SRBD1: variants seen among roughly 807,000 people sequenced by gnomAD.
The protein encoded by SRBD1 is S1 RNA-binding domain-containing protein 1.
SRBD1 carries 88 observed loss-of-function variants against 115.3 expected under a neutral mutation model. The observed-to-expected ratio is 0.76, with a 90% CI of 0.64 to 0.91. The LOEUF is 0.91. Ranked by LOEUF, SRBD1 falls within the 40% of genes least tolerant of loss-of-function variation. The pLI, the probability that SRBD1 is intolerant of heterozygous loss-of-function variation, is 0.00. For synonymous variants in SRBD1, 509 were observed against 407.7 expected (o/e 1.25, Z -2.99); for missense variants, 1,385 against 1,177.4 (o/e 1.18, Z -2.58).
At chr2:45,412,075 C>A (rs143199647) in intron 19 of SRBD1, among the ~76,000 whole-genome samples, 2 of 152,140 alleles carry the variant, frequency 1.3e-5, no homozygotes, top group African/African-American at 2.4e-5. Context: ...CACTGCACTC[C>A]AGTCTGGGTG....
At chr2:45,483,958 G>C (rs1670040799) in intron 15 of SRBD1, among the ~76,000 whole-genome samples, 1 of 152,026 alleles carries the variant, frequency 6.6e-6, no homozygotes, top group Non-Finnish European at 1.5e-5. Context: ...TACCCAACTA[G>C]TATAAACTTT....
intron 18 of SRBD1, among the ~76,000 whole-genome samples, chr2:45,414,714 G>T (rs186467834): frequency 2.0e-5 from 2 of 99,722 alleles, no homozygotes; most frequent in Non-Finnish European, 4.8e-5. Flanking sequence ...TATATAGTAT[G>T]TATATACACA....
At chr2:45,473,181 G>C (rs1055997322) in intron 16 of SRBD1, among the ~76,000 whole-genome samples, 6 of 151,610 alleles carry the variant, frequency 4.0e-5, no homozygotes, top group Non-Finnish European at 8.8e-5. Flanking sequence ...TTACTCTCAT[G>C]ATTTATATTA....
chr2:45,467,144 G>C (rs1021731320), intron 16 of SRBD1, among the ~76,000 whole-genome samples: 1 of 152,184 alleles, frequency 6.6e-6, no homozygotes, highest in African/African-American at 2.4e-5. Context: ...CACATTTCTA[G>C]CATATTGTCA....
intron 16 of SRBD1, among the ~76,000 whole-genome samples, chr2:45,473,800 T>A (rs1452070295): frequency 1.3e-5 from 2 of 152,126 alleles, no homozygotes; most frequent in Non-Finnish European, 2.9e-5. Flanking sequence ...TTGTTATTCT[T>A]TACTTCTGCA....
chr2:45,573,172 C>T (rs559806646), intron 9 of SRBD1, 35 bp downstream of exon 9: 27 of 1,534,682 alleles, frequency 1.8e-5, no homozygotes, highest in African/African-American at 2.8e-5. Context: ...ATCATTATTA[C>T]GAAATCAGCA....
In SRBD1 at chr2:45,579,916, C is replaced by T; in HGVS notation, c.1031G>A (p.Gly344Glu). Residue 344 changes from glycine to glutamate, a missense_variant, in exon 7 of 21, where the codon GGG (glycine) becomes GAG (glutamate). Gly to Glu is a moderately conservative substitution (Grantham distance 98, BLOSUM62 -2). Coordinates refer to ENST00000263736, the MANE Select transcript of SRBD1 (RefSeq NM_018079.5). ...GAARALLEKP[G>E]ELSLLSYIRP... ...AATGTACGATAGCAGACTGAGCTCCCCTGGTTTCTCAAGCAGTGCCCTGGC... is the reference window on the plus strand; with the variant it reads ...AATGTACGATAGCAGACTGAGCTCCTCTGGTTTCTCAAGCAGTGCCCTGGC... 6.2e-7 allele frequency: 1 copy of T among 1,610,204 alleles called. No homozygotes were observed. The highest frequency in any genetic ancestry group is 1.3e-5 in the African/African-American group (1 of 74,802).
intron 10 of SRBD1, among the ~76,000 whole-genome samples, chr2:45,558,825 G>A (rs554230756): frequency 3.3e-5 from 5 of 151,542 alleles, no homozygotes; most frequent in Non-Finnish European, 7.4e-5. Context: ...CCAAGTAGCT[G>A]GGGTTACACG....
intron 9 of SRBD1, among the ~76,000 whole-genome samples, chr2:45,569,003 A>G (rs1224453678): frequency 6.6e-6 from 1 of 152,234 alleles, no homozygotes; most frequent in African/African-American, 2.4e-5. Flanking sequence ...TTTAGATATA[A>G]TAGTGAAACA....
At chr2:45,413,383 T>C in intron 18 of SRBD1, 90 bp from the exon 19 acceptor site, 5 of 1,433,482 alleles carry the variant, frequency 3.5e-6, no homozygotes, top group South Asian at 2.8e-5. Flanking sequence ...TTCTCTGTCA[T>C]ACAAATATGC....
chr2:45,510,020 C>G (rs1456585592), intron 14 of SRBD1, among the ~76,000 whole-genome samples: 3 of 152,218 alleles, frequency 2.0e-5, no homozygotes, highest in Non-Finnish European at 2.9e-5. Context: ...CAGATGTGAG[C>G]CACCATGCCC....
At chr2:45,606,368 C>T (rs983568626) in intron 1 of SRBD1, among the ~76,000 whole-genome samples, 11 of 152,090 alleles carry the variant, frequency 7.2e-5, no homozygotes, top group African/African-American at 2.7e-4. Context: ...CCATGTTGGT[C>T]AGGCTGGTCT....
At chr2:45,512,499 A>C (rs1316013676) in intron 14 of SRBD1, among the ~76,000 whole-genome samples, 1 of 152,206 alleles carries the variant, frequency 6.6e-6, no homozygotes, top group Non-Finnish European at 1.5e-5. Context: ...ATTCCAAAAA[A>C]TAACAATTTT....
rs545539244 is a variant in SRBD1, at chr2:45,490,469, A to G, written c.1875-2138T>C. Among the ~76,000 whole-genome samples the G allele has an allele frequency of 1.1e-4, 16 of 152,330 alleles. No individual in the cohort carries two copies. In the South Asian group the frequency reaches 3.1e-3, roughly 30 times the overall value. On this transcript the variant is annotated intron_variant, in intron 14 of 20. Transcript: ENST00000263736. ...CTATGGAAAATTCATTTTTAAATAC[A>G]AATCAACATTCAATCTAACAAAGTC...
chr2:45,610,866 T>C (rs2104280391), intron 1 of SRBD1, among the ~76,000 whole-genome samples: 1 of 151,344 alleles, frequency 6.6e-6, no homozygotes, highest in East Asian at 1.9e-4. Context: ...AGGCGGAGCT[T>C]GCAGTGAGCC....
chr2:45,434,394 C>A (rs1173916853), intron 16 of SRBD1, among the ~76,000 whole-genome samples: 3 of 152,180 alleles, frequency 2.0e-5, no homozygotes, highest in African/African-American at 7.2e-5. Flanking sequence ...CTCCATTCAC[C>A]TCACAAATCT....
intron 10 of SRBD1, among the ~76,000 whole-genome samples, chr2:45,556,561 C>T (rs769741937): frequency 7.0e-6 from 1 of 141,866 alleles, no homozygotes; most frequent in Non-Finnish European, 1.5e-5. Flanking sequence ...CTCCCAGGTT[C>T]AAGCCATTCT....
Position 45,547,509 on chromosome 2 carries a change from C to T in SRBD1, c.1766+13G>A, listed in dbSNP as rs1672157962. ...AGCCACTGATATATTCAAAAGATTA[C>T]TTATTTTCATACTTGAAATTCAGCA... On this transcript the variant is annotated intron_variant, in intron 13 of 20. Transcript: ENST00000263736. 3 of 1,611,346 alleles carry T rather than the reference C, an allele frequency of 1.9e-6. No homozygotes were observed. The highest frequency in any genetic ancestry group is 2.5e-6 in the Non-Finnish European group (3 of 1,178,022).
intron 16 of SRBD1, among the ~76,000 whole-genome samples, chr2:45,462,427 T>C (rs1206769612): frequency 6.6e-6 from 1 of 152,170 alleles, no homozygotes; most frequent in Admixed American, 6.5e-5. Flanking sequence ...TCTGGCCCCA[T>C]GTATTCAAAA....
Sources: gnomAD v4.1 joint callset for allele counts (sites outside exome capture counted in the v4.1 genomes callset) on GRCh38, gnomAD v4.1.1 for gene constraint, MANE v1.5 for transcripts, NCBI Gene and HGNC (gene_info 2026-07-23, HGNC 2026-07-21) for gene names.